The following LHFPL3 variants were observed in gnomAD, a reference collection of about 807,000 sequenced individuals.
LHFPL3 encodes LHFPL tetraspan subfamily member 3.
A neutral mutation model predicts 19.3 loss-of-function variants in LHFPL3; 5 were observed. The observed-to-expected ratio is 0.26, with a 90% CI of 0.14 to 0.54. LHFPL3 has a LOEUF of 0.54. Ranked by LOEUF, LHFPL3 falls within the 20% of genes least tolerant of loss-of-function variation. The pLI, the probability that LHFPL3 is intolerant of heterozygous loss-of-function variation, is 0.94. For missense variants in LHFPL3, 249 were observed against 307.4 expected, an observed-to-expected ratio of 0.81 and a Z score of 1.42; for synonymous variants, 133 against 126.2, an observed-to-expected ratio of 1.05 and a Z score of -0.36.
intron 2 of LHFPL3, among the ~76,000 whole-genome samples, chr7:104,893,951 CAAA>C (rs34793599): frequency 7.4e-6 from 1 of 135,356 alleles, no homozygotes; most frequent in Non-Finnish European, 1.6e-5. Flanking sequence ...GACTCCATCT[CAAA>C]AAAAAAAAAA....
At chr7:104,603,066 T>TTCTCTTTCTTTCTTTCTTTC (rs1453775700) in intron 1 of LHFPL3, among the ~76,000 whole-genome samples, 5 of 108,904 alleles carry the variant, frequency 4.6e-5, no homozygotes, top group African/African-American at 1.1e-4. Flanking sequence ...CTTTCTTTCT[T>TTCTCTTTCTTTCTTTCTTTC]TTTCTTTCTT....
chr7:104,460,185 C>CT (rs776743676), intron 1 of LHFPL3, among the ~76,000 whole-genome samples: 73 of 152,228 alleles, frequency 4.8e-4, no homozygotes, highest in Non-Finnish European at 9.1e-4. Flanking sequence ...TTATCTCATT[C>CT]TTTTTTATGA....
intron 1 of LHFPL3, among the ~76,000 whole-genome samples, chr7:104,705,809 C>G (rs376597918): frequency 5.9e-5 from 9 of 152,288 alleles, no homozygotes; most frequent in African/African-American, 2.2e-4. Context: ...ACTACCGGAA[C>G]TGGGAGTAGA....
intron 1 of LHFPL3, among the ~76,000 whole-genome samples, chr7:104,383,018 C>T (rs1442906443): frequency 3.3e-5 from 5 of 152,244 alleles, no homozygotes; most frequent in South Asian, 4.1e-4. Flanking sequence ...CGCCGTGAGG[C>T]GCTAATACAT....
intron 1 of LHFPL3, among the ~76,000 whole-genome samples, chr7:104,423,741 G>C (rs1791781199): frequency 6.6e-6 from 1 of 150,602 alleles, no homozygotes; most frequent in South Asian, 2.1e-4. Context: ...GAGTTAAAAA[G>C]AACTAGCAGC....
At chr7:104,531,467 T>C (rs1467350857) in intron 1 of LHFPL3, among the ~76,000 whole-genome samples, 1 of 152,204 alleles carries the variant, frequency 6.6e-6, no homozygotes, top group Non-Finnish European at 1.5e-5. Context: ...GCATGGTGTT[T>C]ACATGATTAT....
chr7:104,562,051 C>A (rs563616905), intron 1 of LHFPL3, among the ~76,000 whole-genome samples: 1 of 151,856 alleles, frequency 6.6e-6, no homozygotes, highest in African/African-American at 2.4e-5. Context: ...CTGAGAGATC[C>A]GCTGTTAGTC....
At chr7:104,377,696 G>GT (rs1790743269) in intron 1 of LHFPL3, among the ~76,000 whole-genome samples, 1 of 152,166 alleles carries the variant, frequency 6.6e-6, no homozygotes, top group Non-Finnish European at 1.5e-5. Flanking sequence ...TGGCAAAACA[G>GT]TGACTGCTTC....
At chr7:104,633,025 G>A (rs759557066) in intron 1 of LHFPL3, among the ~76,000 whole-genome samples, 5 of 152,138 alleles carry the variant, frequency 3.3e-5, no homozygotes, top group South Asian at 2.1e-4. Flanking sequence ...CTCAGAATAC[G>A]TGGTTTTTTT....
intron 1 of LHFPL3, among the ~76,000 whole-genome samples, chr7:104,508,455 A>G (rs1245208045): frequency 5.2e-4 from 46 of 88,684 alleles, no homozygotes; most frequent in African/African-American, 1.7e-3. Flanking sequence ...TCTGGGGACT[A>G]TTGTGGGGTG....
At chr7:104,576,207 A>T (rs1790336352) in intron 1 of LHFPL3, among the ~76,000 whole-genome samples, 1 of 152,232 alleles carries the variant, frequency 6.6e-6, no homozygotes, top group Non-Finnish European at 1.5e-5. Flanking sequence ...CTATGGACTC[A>T]GGAAAACCAG....
At chr7:104,698,827 A>G (rs573323909) in intron 1 of LHFPL3, among the ~76,000 whole-genome samples, 67 of 152,376 alleles carry the variant, frequency 4.4e-4, no homozygotes, top group African/African-American at 1.6e-3. Context: ...GCCAGAATGT[A>G]TAAAGAACTC....
At chr7:104,402,917 G>C (rs1216241521) in intron 1 of LHFPL3, among the ~76,000 whole-genome samples, 4 of 151,930 alleles carry the variant, frequency 2.6e-5, no homozygotes, top group Non-Finnish European at 5.9e-5. Flanking sequence ...TGATTTGAAT[G>C]AAGCTGGAAG....
At chr7:104,418,068 G>A (rs1400784069) in intron 1 of LHFPL3, among the ~76,000 whole-genome samples, 1 of 151,684 alleles carries the variant, frequency 6.6e-6, no homozygotes, top group African/African-American at 2.4e-5. Context: ...TAGAGACAGG[G>A]TTTCACCATG....
At chr7:104,723,722 C>CA (rs1167618176) in intron 1 of LHFPL3, among the ~76,000 whole-genome samples, 1,085 of 46,966 alleles carry the variant, frequency 0.023, 128 homozygotes, top group African/African-American at 0.06. Context: ...ACTATGTCTC[C>CA]AAAAAAAAAA....
At chr7:104,723,648 C>A (rs1415190024) in intron 1 of LHFPL3, among the ~76,000 whole-genome samples, 1 of 138,978 alleles carries the variant, frequency 7.2e-6, no homozygotes, top group Non-Finnish European at 1.5e-5. Context: ...CTTGAACCCG[C>A]GAGGTAGAGG....
At chr7:104,534,055 G>A (rs1364663637) in intron 1 of LHFPL3, among the ~76,000 whole-genome samples, 1 of 152,064 alleles carries the variant, frequency 6.6e-6, no homozygotes. Flanking sequence ...TATCAACCCT[G>A]CTGATGCTGC....
intron 2 of LHFPL3, among the ~76,000 whole-genome samples, chr7:104,858,106 C>T (rs1791544647): frequency 6.6e-6 from 1 of 152,166 alleles, no homozygotes; most frequent in Non-Finnish European, 1.5e-5. Context: ...TGTTTCAGGA[C>T]TGTTGGAGGA....
At chr7:104,387,257 A>G (rs117820208) in intron 1 of LHFPL3, among the ~76,000 whole-genome samples, 11,033 of 152,220 alleles carry the variant, frequency 0.072, 445 homozygotes, top group East Asian at 0.17. Flanking sequence ...AATCCCAGCT[A>G]CTTGGGAGGC....
Sources: gnomAD v4.1 joint callset for allele counts (sites outside exome capture counted in the v4.1 genomes callset) on GRCh38, gnomAD v4.1.1 for gene constraint, MANE v1.5 for transcripts, NCBI Gene and HGNC (gene_info 2026-07-23, HGNC 2026-07-21) for gene names.